The following HRK variants were observed in gnomAD, a reference collection of about 807,000 sequenced individuals.
HRK encodes the protein activator of apoptosis harakiri.
A neutral mutation model predicts 5.9 loss-of-function variants in HRK; 6 were observed. The observed-to-expected ratio is 1.02, with a 90% CI of 0.56 to 2.01. The LOEUF is 2.01. Ranked by LOEUF, HRK falls within the 30% of genes most tolerant of loss-of-function variation. The probability of loss-of-function intolerance (pLI) is 0.00; values close to 1 mark genes in which losing one functional copy is unlikely to be tolerated. For missense variants in HRK, 133 were observed against 128.3 expected (o/e 1.04, Z -0.18); for synonymous variants, 85 against 65.1 (o/e 1.31, Z -1.47).
At chr12:116,876,424 C>G (rs1878930283) in intron 1 of HRK, among the ~76,000 whole-genome samples, 1 of 152,242 alleles carries the variant, frequency 6.6e-6, no homozygotes, top group Non-Finnish European at 1.5e-5. Flanking sequence ...AACCAGTTAG[C>G]ATGTCTGGCT....
rs1232623099 is a variant in HRK, at chr12:116,857,733, T to C, written c.*3790A>G. On this transcript the variant is annotated 3_prime_UTR_variant, in exon 2 of 2. Coordinates refer to ENST00000257572, the MANE Select transcript of HRK (RefSeq NM_003806.4). ...GTATTGGGTAAATCACCCTTTCCTC[T>C]CACCATCAAAACAGAAAAGAATCAA... The C allele has an allele frequency of 6.6e-6, 1 of 152,140 alleles. No individual in the cohort carries two copies. Among genetic ancestry groups the C allele is most frequent in the East Asian group, 1.9e-4 (1 of 5,188 alleles). The allele number at this position is 152,140 out of a possible 1,614,324, so 9.4% of individuals were successfully genotyped here. A position where few individuals can be genotyped will look rare whatever the true frequency, so the allele number is the denominator to read the frequency against.
At chr12:116,872,903 G>T (rs1878807783) in intron 1 of HRK, among the ~76,000 whole-genome samples, 1 of 80,210 alleles carries the variant, frequency 1.2e-5, no homozygotes. Flanking sequence ...AAGAAAGAGA[G>T]AAAAAGAGAA....
rs568549495 is a variant in HRK, at chr12:116,861,911, A to G, written c.*57-445T>C. On this transcript the variant is annotated intron_variant, in intron 1 of 1. Coordinates refer to ENST00000257572, the MANE Select transcript of HRK (RefSeq NM_003806.4). ...TTCTCTTTTGTTTGTTTGTTCGTTCATTCATCCATTCACTTATTCCCAAGT... is the reference window on the plus strand; with the variant it reads ...TTCTCTTTTGTTTGTTTGTTCGTTCGTTCATCCATTCACTTATTCCCAAGT... Among the ~76,000 whole-genome samples, 12 of 152,334 alleles carry G rather than the reference A, an allele frequency of 7.9e-5. No homozygotes were observed. The South Asian group carries it at 2.1e-3, about 26-fold the overall frequency.
Position 116,856,397 on chromosome 12 carries a change from A to G in HRK, c.*5126T>C, listed in dbSNP as rs1373185044. 1 of 152,222 alleles carries G rather than the reference A, an allele frequency of 6.6e-6. No individual in the cohort carries two copies. The highest frequency in any genetic ancestry group is 6.5e-5 in the Admixed American group (1 of 15,280). The allele number at this position is 152,222 out of a possible 1,614,324, so 9.4% of individuals were successfully genotyped here. On this transcript the variant is annotated 3_prime_UTR_variant, in exon 2 of 2. Transcript: ENST00000257572. The surrounding 1 kb of genome is among the most constrained non-coding windows in gnomAD (Gnocchi z 4.4). ...CGCTTATAGTGCAAAGACCTTCAGG[A>G]GAAGAAACTTGGGAGTTCAGGTTGG...
Position 116,880,965 on chromosome 12 carries a change from C to A in HRK, c.*56+11G>T. ...TGCCGCGCCCCGGCTCTCGCTCGCTCGCTCGCGTACCTGTTGCTCGCTCCG... is the reference window on the plus strand; with the variant it reads ...TGCCGCGCCCCGGCTCTCGCTCGCTAGCTCGCGTACCTGTTGCTCGCTCCG... On this transcript the variant is annotated intron_variant, in intron 1 of 1. Coordinates refer to ENST00000257572, the MANE Select transcript of HRK (RefSeq NM_003806.4). 2 of 1,198,886 alleles carry A rather than the reference C, an allele frequency of 1.7e-6. No homozygotes were observed. Among genetic ancestry groups the A allele is most frequent in the African/African-American group, 1.6e-5 (1 of 62,396 alleles). 74.3% of individuals were successfully genotyped at this position (1,198,886 alleles called of 1,614,324 possible).
intron 1 of HRK, among the ~76,000 whole-genome samples, chr12:116,864,567 C>T (rs1301361677): frequency 3.3e-5 from 5 of 152,064 alleles, no homozygotes; most frequent in East Asian, 1.9e-4. Flanking sequence ...AAAAAGGAAG[C>T]GTGGCTTAGG....
At chr12:116,873,902 TC>T (rs982032578) in intron 1 of HRK, among the ~76,000 whole-genome samples, 4 of 151,502 alleles carry the variant, frequency 2.6e-5, no homozygotes, top group African/African-American at 7.3e-5. Context: ...AAATCAGAAA[TC>T]CCCCACCCAA....
At chr12:116,876,600 T>TTCC (rs1878938836) in intron 1 of HRK, 2 of 152,296 alleles carry the variant, frequency 1.3e-5, no homozygotes, top group Admixed American at 6.6e-5. Flanking sequence ...CCCAGGCAGA[T>TTCC]TCCTCGGCTC....
rs1238536533 is a variant in HRK at position 116,859,734 on chromosome 12, C to T, written c.*1789G>A. On this transcript the variant is annotated 3_prime_UTR_variant, in exon 2 of 2. Transcript: ENST00000257572. ...TGGGGTTGCATTTCTCTTTAAAGGG[C>T]TATTTAGGAAAACACAAGGAACGGA... 1 of 151,424 alleles carries T rather than the reference C, an allele frequency of 6.6e-6. No individual in the cohort carries two copies. The highest frequency in any genetic ancestry group is 1.5e-5 in the Non-Finnish European group (1 of 67,948). The allele number at this position is 151,424 out of a possible 1,614,324, so 9.4% of individuals were successfully genotyped here. A position where few individuals can be genotyped will look rare whatever the true frequency, so the allele number is the denominator to read the frequency against.
chr12:116,869,152 A>C (rs1878653529), intron 1 of HRK, among the ~76,000 whole-genome samples: 1 of 151,690 alleles, frequency 6.6e-6, no homozygotes, highest in South Asian at 2.1e-4. Context: ...TTTTGTACAT[A>C]TTTTTTTAAA....
rs774181192 is a variant in HRK at position 116,881,016 on chromosome 12, A to G, written c.*16T>C. On this transcript the variant is annotated 3_prime_UTR_variant, in exon 1 of 2. Coordinates refer to ENST00000257572, the MANE Select transcript of HRK (RefSeq NM_003806.4). ...GCTGGGTCTCGGCTCCGGCCCCACCAAGAAGCCCCGCGTTCCTACAAGTTC... is the reference window on the plus strand; with the variant it reads ...GCTGGGTCTCGGCTCCGGCCCCACCGAGAAGCCCCGCGTTCCTACAAGTTC... 1.1e-5 allele frequency: 15 copies of G among 1,314,412 alleles called. 1 individual carries two copies. The East Asian group carries it at 4.5e-4, about 39-fold the overall frequency. The allele number at this position is 1,314,412 out of a possible 1,614,324, so 81.4% of individuals were successfully genotyped here. A position where few individuals can be genotyped will look rare whatever the true frequency, so the allele number is the denominator to read the frequency against.
Position 116,881,364 on chromosome 12 carries a change from C to T in HRK, c.-57G>A, listed in dbSNP as rs1198443842. ...GGCCGCCCCTCGCCTCCTCTCCCTCCGGCCTCTGCGCCCGCTGCCGCCGCG... is the reference window on the plus strand; with the variant it reads ...GGCCGCCCCTCGCCTCCTCTCCCTCTGGCCTCTGCGCCCGCTGCCGCCGCG... On this transcript the variant is annotated 5_prime_UTR_variant, in exon 1 of 2. Transcript: ENST00000257572. 2.9e-6 allele frequency: 3 copies of T among 1,048,460 alleles called. No individual in the cohort carries two copies. The highest frequency in any genetic ancestry group is 1.7e-5 in the African/African-American group (1 of 58,498). The allele number at this position is 1,048,460 out of a possible 1,614,324, so 64.9% of individuals were successfully genotyped here.
rs1593002741 is a variant in HRK, at chr12:116,860,692, C to T, written c.*831G>A. ...GAAGAGAAGAGACTCTCAAGTGGCA[C>T]TTTTGCAACTTGTCCCTTAAAAAAA... On this transcript the variant is annotated 3_prime_UTR_variant, in exon 2 of 2. Coordinates refer to ENST00000257572, the MANE Select transcript of HRK (RefSeq NM_003806.4). The T allele has an allele frequency of 7.0e-6, 1 of 142,050 alleles. No individual in the cohort carries two copies. The highest frequency in any genetic ancestry group is 2.5e-5 in the African/African-American group (1 of 40,242). 8.8% of individuals were successfully genotyped at this position (142,050 alleles called of 1,614,324 possible). A position where few individuals can be genotyped will look rare whatever the true frequency, so the allele number is the denominator to read the frequency against.
At chr12:116,877,459 T>C (rs149341178) in intron 1 of HRK, among the ~76,000 whole-genome samples, 26 of 152,322 alleles carry the variant, frequency 1.7e-4, no homozygotes, top group Admixed American at 3.9e-4. Context: ...TGGTTCTTTC[T>C]CAAGGTCACG....
chr12:116,877,945 G>T (rs927210596), intron 1 of HRK, among the ~76,000 whole-genome samples: 1 of 152,102 alleles, frequency 6.6e-6, no homozygotes, highest in Non-Finnish European at 1.5e-5. Context: ...TCGCTCTGTC[G>T]CCCAGGCTGG....
chr12:116,864,359 G>A (rs1370561019), intron 1 of HRK, among the ~76,000 whole-genome samples: 1 of 152,216 alleles, frequency 6.6e-6, no homozygotes. Flanking sequence ...ATAAGGCCAG[G>A]TGCCTGCTTT....
chr12:116,880,881 G>A (rs1371835360), intron 1 of HRK, 95 bp downstream of exon 1: 2 of 429,264 alleles, frequency 4.7e-6, no homozygotes, highest in Admixed American at 4.7e-5. Flanking sequence ...GGGAAAAGAA[G>A]AAAGCCAAAC....
At chr12:116,875,900 A>C (rs1878909554) in intron 1 of HRK, among the ~76,000 whole-genome samples, 1 of 152,156 alleles carries the variant, frequency 6.6e-6, no homozygotes, top group Non-Finnish European at 1.5e-5. Context: ...TACACCTACT[A>C]TGAGACAAGC....
intron 1 of HRK, among the ~76,000 whole-genome samples, chr12:116,863,944 G>A (rs11068215): frequency 1.1e-4 from 16 of 151,938 alleles, no homozygotes; most frequent in South Asian, 1.0e-3. Flanking sequence ...TCAAGCAATC[G>A]TCCCGCATTG....
Sources: gnomAD v4.1 joint callset for allele counts (sites outside exome capture counted in the v4.1 genomes callset) on GRCh38, gnomAD v4.1.1 for gene constraint, Gnocchi (gnomAD v3.1) non-coding constraint, MANE v1.5 for transcripts, NCBI Gene and HGNC (gene_info 2026-07-23, HGNC 2026-07-21) for gene names.